Variants in ARMC6 observed in about 807,000 individuals in gnomAD.
ARMC6 encodes armadillo repeat containing 6.
ARMC6 carries 43 observed loss-of-function variants against 49.2 expected under a neutral mutation model. The observed-to-expected ratio is 0.87, with a 90% CI of 0.69 to 1.13. The LOEUF (loss-of-function observed/expected upper bound fraction) is 1.13. Ranked by LOEUF, ARMC6 falls within the 50% of genes most tolerant of loss-of-function variation. ARMC6 has a pLI of 0.00. For synonymous variants in ARMC6, 262 were observed against 289.6 expected, an observed-to-expected ratio of 0.90 and a Z score of 0.97; for missense variants, 627 against 682.0, an observed-to-expected ratio of 0.92 and a Z score of 0.90.
At chr19:19,048,284 T>G (rs1315948382) in intron 4 of ARMC6, among the ~76,000 whole-genome samples, 1 of 152,108 alleles carries the variant, frequency 6.6e-6, no homozygotes. Context: ...AGGCAGAGGT[T>G]GCAGTGAGCC....
chr19:19,041,473 C>T lies in ARMC6; in HGVS notation c.30-1238C>T, dbSNP rs528954753. Among the ~76,000 whole-genome samples the T allele has an allele frequency of 9.2e-5, 14 of 152,084 alleles. No individual in the cohort carries two copies. The East Asian group carries it at 1.5e-3, about 17-fold the overall frequency. On this transcript the variant is annotated intron_variant, in intron 2 of 8. Coordinates refer to ENST00000535612, the MANE Select transcript of ARMC6 (RefSeq NM_001199196.2). ...AAATGATTCTCCTGCCTCAGCCTCC[C>T]GAGTGGCTGGGATCACAGGTGCCCG...
intron 2 of ARMC6, among the ~76,000 whole-genome samples, chr19:19,038,696 G>A (rs186151049): frequency 1.2e-3 from 180 of 152,232 alleles, no homozygotes; most frequent in African/African-American, 4.2e-3. Context: ...TCCTGCCTCA[G>A]CCTCCCGAGT....
intron 4 of ARMC6, among the ~76,000 whole-genome samples, chr19:19,045,837 G>T (rs891198329): frequency 3.9e-5 from 6 of 152,060 alleles, no homozygotes; most frequent in Non-Finnish European, 5.9e-5. Context: ...ATTTTTAGTA[G>T]AGACGAGGTT....
At chr19:19,042,350 CTTTG>C (rs2059417268) in intron 2 of ARMC6, among the ~76,000 whole-genome samples, 1 of 151,914 alleles carries the variant, frequency 6.6e-6, no homozygotes, top group African/African-American at 2.4e-5. Context: ...CTCTCCTACA[CTTTG>C]TTTTTTTTTC....
chr19:19,040,195 A>AG (rs2059400516), intron 2 of ARMC6, among the ~76,000 whole-genome samples: 1 of 152,138 alleles, frequency 6.6e-6, no homozygotes, highest in Non-Finnish European at 1.5e-5. Flanking sequence ...TTCAGGAGGT[A>AG]GGTGTTGCTG....
At position 19,052,107 on chromosome 19, in the gene ARMC6, C is replaced by T. The variant is rs1170403377; in HGVS notation, c.765C>T (p.Ile255=). The T allele has an allele frequency of 6.2e-7, 1 of 1,613,930 alleles. No homozygotes were observed. Among genetic ancestry groups the T allele is most frequent in the East Asian group, 2.2e-5 (1 of 44,890 alleles). The change falls in exon 5 of 9, where the codon ATC becomes ATT. Residue 255 remains isoleucine (I), a synonymous_variant. Transcript: ENST00000535612. ...GTGTCATGACCTTCGATGACGACATCCGTGTGCCCTTTGGCCATGCCCACA... is the reference window on the plus strand; with the variant it reads ...GTGTCATGACCTTCGATGACGACATTCGTGTGCCCTTTGGCCATGCCCACA... ...ALRVMTFDDD[I]RVPFGHAHNH... is the part of the protein sequence containing the mutation.
Position 19,057,674 on chromosome 19 carries a change from C to T in ARMC6, c.*46C>T, listed in dbSNP as rs757241872. On this transcript the variant is annotated 3_prime_UTR_variant, in exon 9 of 9. Coordinates refer to ENST00000535612, the MANE Select transcript of ARMC6 (RefSeq NM_001199196.2). The stretch of plus-strand genomic sequence containing the variant: ...GTGACTCTGGGTGAGTCGTGTGACT[C>T]AGGAATGGGGGTAGATCCATGTCCT... 1 of 1,568,194 alleles carries T rather than the reference C, an allele frequency of 6.4e-7. No homozygotes were observed. Among genetic ancestry groups the T allele is most frequent in the Non-Finnish European group, 8.7e-7 (1 of 1,146,540 alleles).
At chr19:19,045,378 T>C (rs1429561086) in intron 4 of ARMC6, among the ~76,000 whole-genome samples, 1 of 152,238 alleles carries the variant, frequency 6.6e-6, no homozygotes, top group East Asian at 1.9e-4. Flanking sequence ...TTCATCTTTT[T>C]CCTACTGATT....
chr19:19,045,838 A>T (rs987836118), intron 4 of ARMC6, among the ~76,000 whole-genome samples: 1 of 151,956 alleles, frequency 6.6e-6, no homozygotes, highest in Non-Finnish European at 1.5e-5. Flanking sequence ...TTTTTAGTAG[A>T]GACGAGGTTT....
At chr19:19,041,880 G>A (rs1220497477) in intron 2 of ARMC6, among the ~76,000 whole-genome samples, 2 of 151,934 alleles carry the variant, frequency 1.3e-5, no homozygotes, top group African/African-American at 4.8e-5. Flanking sequence ...AGGGAGTTCC[G>A]AGTTTTTAGT....
At position 19,045,503 on chromosome 19, in the gene ARMC6, T is replaced by TTTTTTTTTTC. The variant is rs1179872355; in HGVS notation, c.279+1430_279+1431insTTTTTTTTCT. 1.2e-4 allele frequency among the ~76,000 whole-genome samples: 17 copies of TTTTTTTTTTC among 141,118 alleles called. 1 individual carries two copies. Among genetic ancestry groups the TTTTTTTTTTC allele is most frequent in the African/African-American group, 4.4e-4 (16 of 36,242 alleles). The allele number at this position is 141,118 out of a possible 152,430, so 92.6% of individuals were successfully genotyped here. ...GCATTATGCTAAATTCTTTTTTTTT[T>TTTTTTTTTTC]TGAGACAAGAGTCTCACTCTGTTGC... On this transcript the variant is annotated intron_variant, in intron 4 of 8. Transcript: ENST00000535612.
chr19:19,036,401 A>G (rs1020012856), intron 2 of ARMC6, among the ~76,000 whole-genome samples: 2 of 152,204 alleles, frequency 1.3e-5, no homozygotes, highest in African/African-American at 4.8e-5. Flanking sequence ...CAGAGAGAGC[A>G]ACTGGATATG....
intron 2 of ARMC6, among the ~76,000 whole-genome samples, chr19:19,036,470 C>T (rs565562038): frequency 6.6e-6 from 1 of 152,346 alleles, no homozygotes; most frequent in Admixed American, 6.5e-5. Flanking sequence ...TGTCAATTTA[C>T]ATTGCCAGGG....
chr19:19,050,797 C>A (rs1005426243), intron 4 of ARMC6, among the ~76,000 whole-genome samples: 1 of 152,178 alleles, frequency 6.6e-6, no homozygotes, highest in African/African-American at 2.4e-5. Context: ...TCGTGTCAGT[C>A]AATGCCAAAT....
intron 5 of ARMC6, among the ~76,000 whole-genome samples, chr19:19,053,216 G>A (rs1021253252): frequency 6.6e-6 from 1 of 152,184 alleles, no homozygotes. Flanking sequence ...GGCTGGGCAT[G>A]GTGGCTCATG....
intron 2 of ARMC6, 116 bp downstream of exon 2, chr19:19,034,354 A>G (rs1599622292): frequency 3.0e-6 from 4 of 1,321,724 alleles, no homozygotes; most frequent in Non-Finnish European, 4.2e-6. Context: ...AAAGGCGGGG[A>G]AGAGGAACTT....
intron 6 of ARMC6, 57 bp downstream of exon 6, chr19:19,054,378 C>T (rs1289468751): frequency 3.5e-6 from 5 of 1,438,792 alleles, no homozygotes; most frequent in African/African-American, 2.9e-5. Context: ...GTCAACCGGA[C>T]GAGCTATAGT....
intron 2 of ARMC6, among the ~76,000 whole-genome samples, chr19:19,038,552 G>A (rs2059387406): frequency 6.6e-6 from 1 of 152,160 alleles, no homozygotes; most frequent in African/African-American, 2.4e-5. Flanking sequence ...TCCAGGGTAT[G>A]CCTATACTGG....
At chr19:19,052,361 A>G (rs1051092576) in intron 5 of ARMC6, among the ~76,000 whole-genome samples, 166 bp downstream of exon 5, 2 of 152,100 alleles carry the variant, frequency 1.3e-5, no homozygotes, top group Admixed American at 1.3e-4. Context: ...GAGTCTCCCC[A>G]TGTTTTCTAG....
Sources: gnomAD v4.1 joint callset for allele counts (sites outside exome capture counted in the v4.1 genomes callset) on GRCh38, gnomAD v4.1.1 for gene constraint, MANE v1.5 for transcripts, NCBI Gene and HGNC (gene_info 2026-07-23, HGNC 2026-07-21) for gene names.